Variants in C6orf89 observed in about 807,000 individuals in gnomAD.
The protein encoded by C6orf89 is bombesin receptor-activated protein C6orf89.
Under a neutral mutation model 40.7 loss-of-function variants are expected in C6orf89, and 29 were observed. The ratio of observed to expected loss-of-function variants is 0.71; its 90% CI spans 0.53 to 0.97. C6orf89 has a LOEUF of 0.97. Ranked by LOEUF, C6orf89 falls within the 50% of genes least tolerant of loss-of-function variation. The probability of loss-of-function intolerance (pLI) is 0.00; values close to 1 mark genes in which losing one functional copy is unlikely to be tolerated. For synonymous variants in C6orf89, 165 were observed against 152.2 expected (o/e 1.08, Z -0.62); for missense variants, 392 against 429.1 (o/e 0.91, Z 0.76).
chr6:36,908,949 C>T (rs2150703334), intron 4 of C6orf89, among the ~76,000 whole-genome samples: 2 of 152,282 alleles, frequency 1.3e-5, no homozygotes, highest in South Asian at 4.1e-4. Context: ...CTTCTGTCTT[C>T]TTCTAAGGAC....
intron 7 of C6orf89, among the ~76,000 whole-genome samples, chr6:36,918,871 C>T (rs1561876511): frequency 6.6e-6 from 1 of 152,222 alleles, no homozygotes; most frequent in Non-Finnish European, 1.5e-5. Context: ...GTATCATGCC[C>T]TCAGAGGGGC....
upstream of C6orf89, among the ~76,000 whole-genome samples, chr6:36,881,982 C>T (rs1774825243): frequency 6.6e-6 from 1 of 151,858 alleles, no homozygotes; most frequent in Admixed American, 6.6e-5. Context: ...ATTTGGTTCC[C>T]TCTTTTAGAA....
chr6:36,918,845 A>T (rs1296611576), intron 7 of C6orf89, among the ~76,000 whole-genome samples: 3 of 152,190 alleles, frequency 2.0e-5, no homozygotes, highest in East Asian at 3.8e-4. Flanking sequence ...GTTGCATTTA[A>T]TGCCTGTTGC....
chr6:36,913,850 A>G (rs1174676461), intron 4 of C6orf89, among the ~76,000 whole-genome samples: 1 of 152,204 alleles, frequency 6.6e-6, no homozygotes, highest in Non-Finnish European at 1.5e-5. Flanking sequence ...TCCAGTGCTT[A>G]TCATTGTTTG....
intron 1 of C6orf89, among the ~76,000 whole-genome samples, chr6:36,877,843 C>T (rs567783505): frequency 4.2e-4 from 64 of 151,032 alleles, no homozygotes; most frequent in Non-Finnish European, 8.5e-4. Flanking sequence ...CTTTGTGATA[C>T]CTTTTTGTGT....
chr6:36,896,602 A>G (rs371813133), intron 2 of C6orf89, among the ~76,000 whole-genome samples: 103 of 152,302 alleles, frequency 6.8e-4, no homozygotes, highest in African/African-American at 2.4e-3. Flanking sequence ...GTATTGAGAC[A>G]CAGAATTTTT....
chr6:36,874,576 C>G (rs376803178), intron 1 of C6orf89: 12 of 1,181,000 alleles, frequency 1.0e-5, no homozygotes, highest in East Asian at 5.1e-5. Flanking sequence ...TCTCAACCCT[C>G]TGGGGGCCGT....
chr6:36,917,197 G>A (rs1583198854), intron 7 of C6orf89, among the ~76,000 whole-genome samples: 1 of 152,296 alleles, frequency 6.6e-6, no homozygotes, highest in East Asian at 1.9e-4. Flanking sequence ...CCCCAGGATG[G>A]TTTTTGCCAG....
At chr6:36,917,179 C>T (rs1396460518) in intron 7 of C6orf89, among the ~76,000 whole-genome samples, 1 of 152,166 alleles carries the variant, frequency 6.6e-6, no homozygotes, top group Non-Finnish European at 1.5e-5. Context: ...CACCCTTTAC[C>T]CTCTCACCCC....
At chr6:36,901,720 G>C (rs1435631910) in intron 3 of C6orf89, among the ~76,000 whole-genome samples, 1 of 151,044 alleles carries the variant, frequency 6.6e-6, no homozygotes, top group Non-Finnish European at 1.5e-5. Flanking sequence ...GCCCAGGCTG[G>C]AGTGCAGTGG....
chr6:36,923,305 C>T, intron 8 of C6orf89, 42 bp from the exon 9 acceptor site: 1 of 1,526,264 alleles, frequency 6.6e-7, no homozygotes, highest in Non-Finnish European at 9.1e-7. Flanking sequence ...TGTGCCCACC[C>T]TCTGACATTT....
In C6orf89 at chr6:36,896,328, G is replaced by A. The variant is rs182967221; in HGVS notation, c.-20+1725G>A. 1.4e-4 allele frequency among the ~76,000 whole-genome samples: 22 copies of A among 152,230 alleles called. 1 individual carries two copies. The highest frequency in any genetic ancestry group is 3.4e-3 in the Middle Eastern group (1 of 294). ...TCACCATGTTGACCAGGCTGATCTC[G>A]AACTCCTGACCTCAAGTGATCTGCC... On this transcript the variant is annotated intron_variant, in intron 2 of 8. Transcript: ENST00000480824.
upstream of C6orf89, among the ~76,000 whole-genome samples, chr6:36,881,226 A>C (rs149678889): frequency 5.2e-3 from 787 of 152,368 alleles, 7 homozygotes; most frequent in African/African-American, 0.016. Context: ...ATAGGTTTAC[A>C]TGCAAGGTGT....
chr6:36,873,654 C>G (rs1344046834), intron 1 of C6orf89, among the ~76,000 whole-genome samples: 1 of 151,952 alleles, frequency 6.6e-6, no homozygotes. Context: ...CAGGTTGGAG[C>G]CTGAAGATGT....
chr6:36,912,289 T>A (rs1031340749), intron 4 of C6orf89, among the ~76,000 whole-genome samples: 5 of 152,182 alleles, frequency 3.3e-5, no homozygotes, highest in African/African-American at 1.2e-4. Flanking sequence ...AGAATAGTGA[T>A]TCCTCCTCAG....
chr6:36,887,922 C>T (rs149886585), intron 1 of C6orf89, among the ~76,000 whole-genome samples: 292 of 152,134 alleles, frequency 1.9e-3, no homozygotes, highest in Non-Finnish European at 3.5e-3. Context: ...CAGGGTCTTG[C>T]TATGTTACCC....
At position 36,885,984 on chromosome 6, in the gene C6orf89, G is replaced by T. The variant is rs1258176062; in HGVS notation, c.-164G>T. ...TGCCCATCCTCCTCGCCCGGCGGCAGCTGTCCCCGAGGCGGGAGGAGCCCG... is the reference window on the plus strand; with the variant it reads ...TGCCCATCCTCCTCGCCCGGCGGCATCTGTCCCCGAGGCGGGAGGAGCCCG... On this transcript the variant is annotated 5_prime_UTR_variant, in exon 1 of 9. Transcript: ENST00000480824. 8.1e-7 allele frequency: 1 copy of T among 1,235,594 alleles called. No individual in the cohort carries two copies. The highest frequency in any genetic ancestry group is 1.0e-6 in the Non-Finnish European group (1 of 993,784). 76.5% of individuals were successfully genotyped at this position (1,235,594 alleles called of 1,614,324 possible). A position where few individuals can be genotyped will look rare whatever the true frequency, so the allele number is the denominator to read the frequency against.
Position 36,902,217 on chromosome 6 carries a change from G to A in C6orf89, c.190-4G>A, listed in dbSNP as rs1561866369. The A allele has an allele frequency of 1.2e-6, 2 of 1,613,582 alleles. No homozygotes were observed. Among genetic ancestry groups the A allele is most frequent in the Admixed American group, 3.3e-5 (2 of 60,020 alleles). ...ATTAATGCCTTTTCTATCTTTCCTTGTAGGTTCTCGCAACCTTGGGATTAA... is the reference window on the plus strand; with the variant it reads ...ATTAATGCCTTTTCTATCTTTCCTTATAGGTTCTCGCAACCTTGGGATTAA... On this transcript the variant is annotated splice_polypyrimidine_tract_variant and splice_region_variant and intron_variant, in intron 3 of 8. Coordinates refer to ENST00000480824, the MANE Select transcript of C6orf89 (RefSeq NM_001286635.2).
At chr6:36,897,166 G>C (rs1761467649) in intron 2 of C6orf89, among the ~76,000 whole-genome samples, 1 of 150,686 alleles carries the variant, frequency 6.6e-6, no homozygotes, top group Non-Finnish European at 1.5e-5. Context: ...AGAAAGAAAG[G>C]TCCAACTTCA....
Sources: gnomAD v4.1 joint callset for allele counts (sites outside exome capture counted in the v4.1 genomes callset) on GRCh38, gnomAD v4.1.1 for gene constraint, MANE v1.5 for transcripts, NCBI Gene and HGNC (gene_info 2026-07-23, HGNC 2026-07-21) for gene names.